Variants in WASF3 observed in about 807,000 individuals in gnomAD.
The protein encoded by WASF3 is actin-binding protein WASF3.
WASF3 carries 11 observed loss-of-function variants against 46.6 expected under a neutral mutation model. The observed-to-expected ratio is 0.24, with a 90% CI of 0.15 to 0.39. The LOEUF (loss-of-function observed/expected upper bound fraction) is 0.39, where lower values mean the gene tolerates loss of function less well. WASF3 is among the 10% of genes least tolerant of loss of function. WASF3 has a pLI of 1.00. For missense variants in WASF3, 576 were observed against 669.8 expected (o/e 0.86, Z 1.55); for synonymous variants, 242 against 259.7 (o/e 0.93, Z 0.65).
intron 2 of WASF3, among the ~76,000 whole-genome samples, chr13:26,633,695 G>A (rs1355546368): frequency 6.6e-6 from 1 of 152,038 alleles, no homozygotes; most frequent in African/African-American, 2.4e-5. Context: ...TTGTGTCTTT[G>A]TTCTCATTGG....
At chr13:26,662,694 T>C (rs1882663497) in intron 3 of WASF3, among the ~76,000 whole-genome samples, 1 of 152,220 alleles carries the variant, frequency 6.6e-6, no homozygotes, top group South Asian at 2.1e-4. Context: ...GTCTCTTGGA[T>C]ACTGTGTTCA....
At chr13:26,680,803 G>A (rs1013454431) in intron 7 of WASF3, among the ~76,000 whole-genome samples, 1 of 152,058 alleles carries the variant, frequency 6.6e-6, no homozygotes, top group African/African-American at 2.4e-5. Flanking sequence ...CCTGCTTGCC[G>A]GTCTGTCTGA....
At position 26,688,816 on chromosome 13, in the gene WASF3, T is replaced by C. The variant is rs1393956351; in HGVS notation, c.*2971T>C. ...GCAGTATTACCAATGCTGTTGTAAATTGAATTTAAAGTGGTATTAAAAAAA... is the reference window on the plus strand; with the variant it reads ...GCAGTATTACCAATGCTGTTGTAAACTGAATTTAAAGTGGTATTAAAAAAA... On this transcript the variant is annotated 3_prime_UTR_variant, in exon 10 of 10. Coordinates refer to ENST00000335327, the MANE Select transcript of WASF3 (RefSeq NM_006646.6). 2.0e-5 allele frequency: 3 copies of C among 152,228 alleles called. No individual in the cohort carries two copies. Among genetic ancestry groups the C allele is most frequent in the East Asian group, 3.8e-4 (2 of 5,198 alleles). The allele number at this position is 152,228 out of a possible 1,614,324, so 9.4% of individuals were successfully genotyped here. A position where few individuals can be genotyped will look rare whatever the true frequency, so the allele number is the denominator to read the frequency against.
chr13:26,679,976 C>G lies in WASF3; in HGVS notation c.717-1078C>G. On this transcript the variant is annotated intron_variant, in intron 7 of 9. Transcript: ENST00000335327. This position sits in a 1 kb window ranked among gnomAD's most constrained non-coding sequence, Gnocchi z 4.8. ...AACTGGAATCCCAAAGATGGAAATG[C>G]AGCGTGCATCTTCCCTGCTCCCTCA... The G allele has an allele frequency of 1.9e-6, 3 of 1,547,900 alleles. No homozygotes were observed. The highest frequency in any genetic ancestry group is 8.7e-7 in the Non-Finnish European group (1 of 1,152,346).
At chr13:26,643,807 T>C (rs1882070461) in intron 3 of WASF3, among the ~76,000 whole-genome samples, 1 of 152,212 alleles carries the variant, frequency 6.6e-6, no homozygotes, top group African/African-American at 2.4e-5. Context: ...GTGTTTATGG[T>C]GTTTGCTTGG....
At chr13:26,596,342 T>A (rs574019) in intron 1 of WASF3, among the ~76,000 whole-genome samples, 3,501 of 152,002 alleles carry the variant, frequency 0.023, 136 homozygotes, top group African/African-American at 0.078. Context: ...ACTTTTTTTT[T>A]TAAAAAAAGC....
the WASF3 span, among the ~76,000 whole-genome samples, chr13:26,547,167 T>G: frequency 6.6e-6 from 1 of 152,296 alleles, no homozygotes; most frequent in Admixed American, 6.5e-5. Flanking sequence ...CTTTAACTAT[T>G]ATTCATAATT....
Position 26,683,043 on chromosome 13 carries a change from C to T in WASF3, c.1351+69C>T, listed in dbSNP as rs980792606. 1.2e-5 allele frequency: 19 copies of T among 1,540,954 alleles called. 1 individual carries two copies. Among genetic ancestry groups the T allele is most frequent in the Non-Finnish European group, 1.6e-5 (18 of 1,153,230 alleles). On this transcript the variant is annotated intron_variant, in intron 9 of 9. Transcript: ENST00000335327. Reference sequence around the variant, plus strand: ...GTTTCTTCATGTCTCCAGCCAGCTACAGCCTCCTTGTCTTCAAATGACTAC... The same window carrying T: ...GTTTCTTCATGTCTCCAGCCAGCTATAGCCTCCTTGTCTTCAAATGACTAC...
intron 3 of WASF3, among the ~76,000 whole-genome samples, chr13:26,658,018 AT>A (rs1380507385): frequency 6.6e-6 from 1 of 152,176 alleles, no homozygotes; most frequent in African/African-American, 2.4e-5. Context: ...CTAGAAGCAA[AT>A]GTTGCTTGTC....
chr13:26,589,147 A>C (rs553633879), intron 1 of WASF3, among the ~76,000 whole-genome samples: 2 of 152,174 alleles, frequency 1.3e-5, no homozygotes, highest in African/African-American at 2.4e-5. Flanking sequence ...CTGCTTTTCA[A>C]ATACTCAGTA....
chr13:26,622,988 C>G (rs1000375008), intron 2 of WASF3, among the ~76,000 whole-genome samples: 1 of 152,102 alleles, frequency 6.6e-6, no homozygotes, highest in African/African-American at 2.4e-5. Flanking sequence ...TCTTAAATCC[C>G]AAAGGGTGAC....
intron 1 of WASF3, among the ~76,000 whole-genome samples, chr13:26,592,067 A>G (rs1593135580): frequency 7.2e-6 from 1 of 139,260 alleles, no homozygotes; most frequent in East Asian, 2.0e-4. Flanking sequence ...CAGTGATTCT[A>G]GATTATTTTG....
chr13:26,638,886 A>G (rs924344750), intron 2 of WASF3, among the ~76,000 whole-genome samples: 5 of 152,214 alleles, frequency 3.3e-5, no homozygotes, highest in Admixed American at 6.5e-5. Flanking sequence ...TCTTGTGGGA[A>G]TGGATTACTT....
In WASF3 at chr13:26,668,779, C is replaced by T. The variant is rs139833437; in HGVS notation, c.422+1109C>T. On this transcript the variant is annotated intron_variant, in intron 5 of 9. Transcript: ENST00000335327. ...CTGATGGCAGAGGAGCAAGATGCCA[C>T]GCCTTTTTATGGAAAAAGTAGACTT... is the stretch of plus-strand genomic sequence containing the variant. Among the ~76,000 whole-genome samples the T allele has an allele frequency of 2.5e-3, 377 of 152,310 alleles. 1 individual carries two copies. The highest frequency in any genetic ancestry group is 7.8e-3 in the African/African-American group (323 of 41,552).
the WASF3 span, among the ~76,000 whole-genome samples, chr13:26,549,430 C>CT: frequency 3.9e-4 from 60 of 152,256 alleles, no homozygotes; most frequent in Admixed American, 8.5e-4. Flanking sequence ...ACTTGTCTCT[C>CT]TTTTTATTAA....
chr13:26,595,417 C>T (rs961747031), intron 1 of WASF3, among the ~76,000 whole-genome samples: 2 of 152,186 alleles, frequency 1.3e-5, no homozygotes, highest in African/African-American at 2.4e-5. Context: ...TGCCCAGCTT[C>T]CCCAAAGGTG....
chr13:26,623,064 G>A (rs1881356787), intron 2 of WASF3, among the ~76,000 whole-genome samples: 7 of 152,198 alleles, frequency 4.6e-5, no homozygotes, highest in Admixed American at 4.6e-4. Flanking sequence ...AGGGGGAACA[G>A]GTAACCATCA....
intron 2 of WASF3, among the ~76,000 whole-genome samples, chr13:26,615,027 G>T (rs574088756): frequency 1.3e-5 from 2 of 152,062 alleles, no homozygotes; most frequent in African/African-American, 4.8e-5. Context: ...TCTAGGAGGA[G>T]TGCTTTTTCT....
chr13:26,576,861 C>T, intron 1 of WASF3: 1 of 633,124 alleles, frequency 1.6e-6, no homozygotes, highest in Non-Finnish European at 2.7e-6. Context: ...ATCAAAACCG[C>T]CCTTTTGGCT....
Sources: gnomAD v4.1 joint callset for allele counts (sites outside exome capture counted in the v4.1 genomes callset) on GRCh38, gnomAD v4.1.1 for gene constraint, Gnocchi (gnomAD v3.1) non-coding constraint, MANE v1.5 for transcripts, NCBI Gene and HGNC (gene_info 2026-07-23, HGNC 2026-07-21) for gene names.